The following SHOC2 variants were observed in gnomAD, a reference collection of about 807,000 sequenced individuals.
The protein encoded by SHOC2 is leucine-rich repeat protein SHOC-2.
A neutral mutation model predicts 50.2 loss-of-function variants in SHOC2; 4 were observed. That is an observed-to-expected ratio of 0.08 (90% CI 0.04 to 0.18). The LOEUF (loss-of-function observed/expected upper bound fraction) is 0.18. SHOC2 is among the 10% of genes least tolerant of loss of function. The pLI, the probability that SHOC2 is intolerant of heterozygous loss-of-function variation, is 1.00. For missense variants in SHOC2, 388 were observed against 669.6 expected, an observed-to-expected ratio of 0.58 and a Z score of 4.64; for synonymous variants, 218 against 244.5, an observed-to-expected ratio of 0.89 and a Z score of 1.01.
At chr10:110,966,314 A>T (rs764207155) in intron 2 of SHOC2, among the ~76,000 whole-genome samples, 1 of 152,104 alleles carries the variant, frequency 6.6e-6, no homozygotes, top group African/African-American at 2.4e-5. Context: ...AAATATTCCC[A>T]GGAATTTCTG....
chr10:111,004,746 A>G lies in SHOC2; in HGVS notation c.1113A>G (p.Pro371=). 5 of 1,613,786 alleles carry G rather than the reference A, an allele frequency of 3.1e-6. No individual in the cohort carries two copies. The highest frequency in any genetic ancestry group is 4.2e-6 in the Non-Finnish European group (5 of 1,179,738). The change falls in exon 5 of 9, where the codon CCA becomes CCG. Residue 371 remains proline (P), a synonymous_variant. Coordinates refer to ENST00000369452, the MANE Select transcript of SHOC2 (RefSeq NM_007373.4). ...AACACAATCGAATCAACAAAATTCCATTTGGAATTTTCTCCAGAGCAAAAG... is the reference window on the plus strand; with the variant it reads ...AACACAATCGAATCAACAAAATTCCGTTTGGAATTTTCTCCAGAGCAAAAG... ...NMEHNRINKI[P]FGIFSRAKVL... is the part of the protein sequence containing the mutation.
intron 2 of SHOC2, among the ~76,000 whole-genome samples, chr10:110,982,837 G>T (rs1848008501): frequency 6.6e-6 from 1 of 152,002 alleles, no homozygotes; most frequent in Non-Finnish European, 1.5e-5. Flanking sequence ...TAATATCAAG[G>T]TAATACCTCA....
chr10:110,925,654 G>T (rs1846756265), intron 1 of SHOC2, among the ~76,000 whole-genome samples: 2 of 152,026 alleles, frequency 1.3e-5, no homozygotes, highest in Non-Finnish European at 2.9e-5. Context: ...ACTAGCTTTT[G>T]CCGTGTTGCC....
In SHOC2 at chr10:110,925,115, A is replaced by G. The variant is rs550625105; in HGVS notation, c.-235+5458A>G. 1.4e-3 allele frequency among the ~76,000 whole-genome samples: 216 copies of G among 151,584 alleles called. 1 individual carries two copies. Among genetic ancestry groups the G allele is most frequent in the African/African-American group, 4.4e-3 (181 of 41,492 alleles). ...AAATTAAAATAAAAAGCAATACTTA[A>G]ATGTCTTTTCTCAGCATTTATGTAT... On this transcript the variant is annotated intron_variant, in intron 1 of 8. Transcript: ENST00000369452.
chr10:110,934,052 A>T (rs1448837086), intron 1 of SHOC2, among the ~76,000 whole-genome samples: 1 of 152,248 alleles, frequency 6.6e-6, no homozygotes, highest in African/African-American at 2.4e-5. Context: ...GATTTAAATA[A>T]TATATCATTT....
At chr10:110,930,903 A>G (rs749268937) in intron 1 of SHOC2, among the ~76,000 whole-genome samples, 1 of 151,994 alleles carries the variant, frequency 6.6e-6, no homozygotes, top group Non-Finnish European at 1.5e-5. Flanking sequence ...AGAATTTTGC[A>G]GTTTATGCAT....
chr10:110,933,316 G>A lies in SHOC2; in HGVS notation c.-235+13659G>A, dbSNP rs913108685. Among the ~76,000 whole-genome samples the A allele has an allele frequency of 2.6e-5, 4 of 151,974 alleles. No individual in the cohort carries two copies. In the South Asian group the frequency reaches 8.3e-4, roughly 31 times the overall value. ...GAAAATCACCTGTAATTGAAGGATA[G>A]CATTGCTAACACTTTATGTTCTTCT... On this transcript the variant is annotated intron_variant, in intron 1 of 8. Transcript: ENST00000369452.
intron 3 of SHOC2, among the ~76,000 whole-genome samples, chr10:110,996,179 A>G (rs555132482): frequency 1.3e-5 from 2 of 152,316 alleles, no homozygotes; most frequent in Admixed American, 6.5e-5. Context: ...GGGAACCCCT[A>G]GAAGCTAGCA....
At chr10:111,001,254 G>T (rs1236037029) in intron 4 of SHOC2, among the ~76,000 whole-genome samples, 1 of 151,344 alleles carries the variant, frequency 6.6e-6, no homozygotes, top group East Asian at 1.9e-4. Flanking sequence ...TGCCTCCTGG[G>T]TTCAAGCGAT....
intron 2 of SHOC2, among the ~76,000 whole-genome samples, chr10:110,971,323 T>C (rs2134129931): frequency 6.6e-6 from 1 of 152,290 alleles, no homozygotes; most frequent in East Asian, 1.9e-4. Flanking sequence ...CTTTCTTCAA[T>C]GTATATTGTT....
chr10:110,963,005 C>T (rs1847601033), intron 1 of SHOC2, among the ~76,000 whole-genome samples: 1 of 152,136 alleles, frequency 6.6e-6, no homozygotes, highest in African/African-American at 2.4e-5. Flanking sequence ...AAATTATTAG[C>T]AGAATCCTTA....
intron 3 of SHOC2, among the ~76,000 whole-genome samples, chr10:110,993,788 T>G (rs1848223608): frequency 6.6e-6 from 1 of 152,232 alleles, no homozygotes; most frequent in South Asian, 2.1e-4. Context: ...TACTAGGCTT[T>G]TGAGTTGACA....
intron 1 of SHOC2, chr10:110,937,156 C>G (rs773594390): frequency 1.4e-5 from 22 of 1,537,434 alleles, no homozygotes; most frequent in Non-Finnish European, 2.0e-5. Context: ...CCAGCAGTAC[C>G]TGTTTAGCCA....
At chr10:110,975,999 C>T (rs567985922) in intron 2 of SHOC2, among the ~76,000 whole-genome samples, 12 of 152,230 alleles carry the variant, frequency 7.9e-5, no homozygotes, top group Non-Finnish European at 1.3e-4. Context: ...CAACCTCTGC[C>T]TCACGGGTTC....
At chr10:110,943,213 T>C (rs995173545) in intron 1 of SHOC2, among the ~76,000 whole-genome samples, 4 of 151,994 alleles carry the variant, frequency 2.6e-5, no homozygotes, top group Admixed American at 6.5e-5. Context: ...GTTCACTTCA[T>C]GATATTCCAC....
chr10:110,947,178 T>G (rs1847261301), intron 1 of SHOC2, among the ~76,000 whole-genome samples: 2 of 152,312 alleles, frequency 1.3e-5, no homozygotes, highest in African/African-American at 4.8e-5. Context: ...CCCCTAACTT[T>G]ACTGTGAACC....
intron 1 of SHOC2, among the ~76,000 whole-genome samples, chr10:110,928,257 C>T (rs1165422590): frequency 6.6e-6 from 1 of 152,062 alleles, no homozygotes; most frequent in African/African-American, 2.4e-5. Context: ...GCAGAGGTTG[C>T]AGTGAGCTGA....
intron 1 of SHOC2, among the ~76,000 whole-genome samples, chr10:110,954,627 T>G (rs1405279813): frequency 6.6e-6 from 1 of 152,218 alleles, no homozygotes; most frequent in Admixed American, 6.5e-5. Flanking sequence ...CTTACAGAGC[T>G]TACATTCTTG....
intron 6 of SHOC2, among the ~76,000 whole-genome samples, chr10:111,008,292 T>A (rs1848506470): frequency 6.6e-6 from 1 of 151,418 alleles, no homozygotes; most frequent in African/African-American, 2.4e-5. Context: ...TGAAAATGCT[T>A]ACTAATAGTA....
Sources: allele counts gnomAD v4.1 joint callset (sites outside exome capture counted in the v4.1 genomes callset), GRCh38; gene constraint gnomAD v4.1.1; transcripts MANE v1.5; gene names NCBI Gene and HGNC (gene_info 2026-07-23, HGNC 2026-07-21).